RPS6KA3: variants seen among roughly 807,000 people sequenced by gnomAD.
The protein encoded by RPS6KA3 is ribosomal protein S6 kinase A3.
A neutral mutation model predicts 67.2 loss-of-function variants in RPS6KA3; 4 were observed. The observed-to-expected ratio is 0.06, with a 90% confidence interval of 0.03 to 0.14. RPS6KA3 has a LOEUF of 0.14. RPS6KA3 is among the 10% of genes least tolerant of loss of function. RPS6KA3 has a pLI of 1.00. For missense variants in RPS6KA3, 204 were observed against 559.0 expected, an observed-to-expected ratio of 0.36 and a Z score of 6.40; for synonymous variants, 182 against 183.7, an observed-to-expected ratio of 0.99 and a Z score of 0.07.
intron 10 of RPS6KA3, among the ~76,000 whole-genome samples, chrX:20,179,606 T>A (rs1213313250): frequency 2.7e-5 from 3 of 111,697 alleles, no homozygotes; most frequent in African/African-American, 9.8e-5. Context: ...AAAACTCGAC[T>A]CACTGGATAC....
At chrX:20,176,176 A>G (rs1427316668) in intron 13 of RPS6KA3, 74 bp downstream of exon 13, 2 of 742,768 alleles carry the variant, frequency 2.7e-6, no homozygotes, top group Non-Finnish European at 2.1e-6. Context: ...CAGAGTCTGG[A>G]AAAGATTTTC....
At chrX:20,190,379 C>G (rs2068092580) in intron 7 of RPS6KA3, among the ~76,000 whole-genome samples, 1 of 111,689 alleles carries the variant, frequency 9.0e-6, no homozygotes. Flanking sequence ...GTATAATTCA[C>G]CAAGTAAGTG....
upstream of RPS6KA3, chrX:20,267,005 C>G (rs771969903): frequency 2.7e-6 from 2 of 751,974 alleles, no homozygotes; most frequent in Admixed American, 8.7e-5. Flanking sequence ...CGCGCTCCCC[C>G]ACTTCCGCTC....
chrX:20,200,081 AAGAG>A (rs1461488321), intron 4 of RPS6KA3, among the ~76,000 whole-genome samples: 1 of 112,313 alleles, frequency 8.9e-6, no homozygotes, highest in African/African-American at 3.2e-5. Flanking sequence ...AATTTATGAA[AAGAG>A]ACTGAATACA....
intron 19 of RPS6KA3, among the ~76,000 whole-genome samples, chrX:20,162,504 C>T (rs192725409): frequency 1.3e-3 from 135 of 105,746 alleles, no homozygotes; most frequent in African/African-American, 4.6e-3. Context: ...TTAGATAACA[C>T]GAGAAAACAT....
At chrX:20,249,066 A>G (rs781526858) in intron 1 of RPS6KA3, among the ~76,000 whole-genome samples, 5 of 112,306 alleles carry the variant, frequency 4.5e-5, no homozygotes, top group Non-Finnish European at 9.4e-5. Context: ...AATGTCATAT[A>G]AATCATATAG....
At chrX:20,236,175 T>A (rs2069406444) in intron 1 of RPS6KA3, among the ~76,000 whole-genome samples, 1 of 111,637 alleles carries the variant, frequency 9.0e-6, no homozygotes, top group Non-Finnish European at 1.9e-5. Context: ...AGTGGTTATC[T>A]CTGGGTGGTA....
chrX:20,185,849 T>A (rs191690526), intron 10 of RPS6KA3, among the ~76,000 whole-genome samples: 51 of 112,263 alleles, frequency 4.5e-4, no homozygotes, highest in Non-Finnish European at 9.4e-5. Flanking sequence ...AGTCTGTTCA[T>A]ATTCAAACCA....
chrX:20,209,837 A>T (rs1006685734), intron 2 of RPS6KA3, among the ~76,000 whole-genome samples: 1 of 112,244 alleles, frequency 8.9e-6, no homozygotes, highest in African/African-American at 3.2e-5. Context: ...AATGCTATTT[A>T]AAAAAAGTGT....
intron 1 of RPS6KA3, among the ~76,000 whole-genome samples, chrX:20,253,418 CCT>C (rs1363850122): frequency 9.0e-6 from 1 of 110,954 alleles, no homozygotes; most frequent in Non-Finnish European, 1.9e-5. Flanking sequence ...TTCATAGCAC[CCT>C]GTCTAGGATA....
chrX:20,267,092 G>A, upstream of RPS6KA3: 1 of 754,981 alleles, frequency 1.3e-6, no homozygotes, highest in Non-Finnish European at 1.6e-6. Flanking sequence ...CGCACCCAGG[G>A]GCTGGGCTAG....
intron 2 of RPS6KA3, among the ~76,000 whole-genome samples, chrX:20,231,448 T>TA (rs1297002950): frequency 8.9e-6 from 1 of 111,967 alleles, no homozygotes; most frequent in Non-Finnish European, 1.9e-5. Flanking sequence ...ATCTGGAAGA[T>TA]TAAATGTGTA....
intron 15 of RPS6KA3, among the ~76,000 whole-genome samples, chrX:20,172,508 A>C (rs945061627): frequency 9.0e-6 from 1 of 111,702 alleles, no homozygotes; most frequent in Admixed American, 9.5e-5. Flanking sequence ...TGAGGTAAAA[A>C]AAGAAAAAAA....
At chrX:20,165,414 T>C (rs1012096798) in intron 17 of RPS6KA3, among the ~76,000 whole-genome samples, 1 of 111,677 alleles carries the variant, frequency 9.0e-6, no homozygotes, top group Admixed American at 9.6e-5. Flanking sequence ...GTAGATACCG[T>C]GGTGAACAAG....
intron 1 of RPS6KA3, chrX:20,241,596 A>C (rs1297422481): frequency 9.1e-6 from 1 of 109,680 alleles, no homozygotes; most frequent in Non-Finnish European, 1.9e-5. Context: ...AAAATACCTG[A>C]GACTGGAGAC....
intron 15 of RPS6KA3, chrX:20,169,703 C>T (rs984179107): frequency 4.4e-6 from 2 of 450,468 alleles, no homozygotes; most frequent in Non-Finnish European, 4.0e-6. Context: ...ACTCATGAGT[C>T]GCATTCCCAC....
chrX:20,177,397 T>A (rs1264173142), intron 10 of RPS6KA3, among the ~76,000 whole-genome samples: 1 of 112,647 alleles, frequency 8.9e-6, no homozygotes. Flanking sequence ...GTATGGCTTC[T>A]GTATGAATAT....
At chrX:20,197,994 A>C (rs748962314) in intron 4 of RPS6KA3, among the ~76,000 whole-genome samples, 2 of 112,096 alleles carry the variant, frequency 1.8e-5, no homozygotes, top group Non-Finnish European at 3.8e-5. Flanking sequence ...AAACCTTTTT[A>C]AGCAGTTTAC....
chrX:20,264,351 CTATT>C (rs1402454452), intron 1 of RPS6KA3, among the ~76,000 whole-genome samples: 3 of 112,064 alleles, frequency 2.7e-5, no homozygotes, highest in Admixed American at 9.4e-5. Context: ...TTATAATACT[CTATT>C]TGTTTCTGGA....
Sources: allele counts gnomAD v4.1 joint callset (sites outside exome capture counted in the v4.1 genomes callset), GRCh38; gene constraint gnomAD v4.1.1; transcripts MANE v1.5; gene names NCBI Gene and HGNC (gene_info 2026-07-23, HGNC 2026-07-21).